Variants in FH observed in about 807,000 individuals in gnomAD.
FH encodes the protein fumarate hydratase.
Under a neutral mutation model 49.4 loss-of-function variants are expected in FH, and 22 were observed. The ratio of observed to expected loss-of-function variants is 0.45; its 90% confidence interval spans 0.32 to 0.64. The LOEUF is 0.64. Among genes scored for constraint, FH ranks in the 30% least tolerant of loss-of-function variants. The pLI, the probability that FH is intolerant of heterozygous loss-of-function variation, is 0.05. For synonymous variants in FH, 208 were observed against 223.0 expected (o/e 0.93, Z 0.60); for missense variants, 526 against 641.5 (o/e 0.82, Z 1.95).
intron 5 of FH, among the ~76,000 whole-genome samples, chr1:241,507,199 A>ATACT (rs1408498443): frequency 2.6e-5 from 4 of 152,310 alleles, no homozygotes; most frequent in Admixed American, 1.3e-4. Flanking sequence ...AGATACACAA[A>ATACT]TACTTACCAT....
chr1:241,506,952 T>C (rs764419032), intron 5 of FH, among the ~76,000 whole-genome samples: 71 of 152,326 alleles, frequency 4.7e-4, no homozygotes, highest in Non-Finnish European at 9.6e-4. Flanking sequence ...TATCCTTTTT[T>C]CCTGCCTGAA....
Position 241,513,586 on chromosome 1 carries a change from C to T in FH, c.378+17G>A, listed in dbSNP as rs1280427620. The T allele has an allele frequency of 6.4e-7, 1 of 1,573,666 alleles. No homozygotes were observed. Among genetic ancestry groups the T allele is most frequent in the Non-Finnish European group, 8.7e-7 (1 of 1,143,294 alleles). The stretch of plus-strand genomic sequence containing the variant: ...TGGGTCTGAGGTTATTAAGCAAACA[C>T]ACTTATCACCTCCTACCTCATCTGC... On this transcript the variant is annotated intron_variant, in intron 3 of 9. Coordinates refer to ENST00000366560, the MANE Select transcript of FH (RefSeq NM_000143.4).
intron 6 of FH, among the ~76,000 whole-genome samples, chr1:241,505,384 A>G (rs942182760): frequency 2.0e-5 from 3 of 152,198 alleles, no homozygotes; most frequent in Admixed American, 6.5e-5. Flanking sequence ...CCCTAAAAGT[A>G]GAGTTCTTTT....
In FH at chr1:241,512,254, T is replaced by C. The variant is rs1660107375; in HGVS notation, c.379-111A>G. ...ATATCTAAGCTTCTGAAGCATCACT[T>C]GCTCCAACCACAGATACTTTAAAAA... is the stretch of plus-strand genomic sequence containing the variant. On this transcript the variant is annotated intron_variant, in intron 3 of 9. Coordinates refer to ENST00000366560, the MANE Select transcript of FH (RefSeq NM_000143.4). The C allele has an allele frequency of 9.3e-6, 8 of 862,834 alleles. No individual in the cohort carries two copies. In the South Asian group the frequency reaches 1.0e-4, roughly 11 times the overall value. 53.4% of individuals were successfully genotyped at this position (862,834 alleles called of 1,614,324 possible).
chr1:241,514,930 C>T (rs1660177852), intron 2 of FH, among the ~76,000 whole-genome samples: 1 of 152,092 alleles, frequency 6.6e-6, no homozygotes, highest in Admixed American at 6.6e-5. Flanking sequence ...AGGTGAATGC[C>T]AATCAACGCT....
chr1:241,500,953 A>G (rs1236500750), intron 8 of FH, among the ~76,000 whole-genome samples: 21 of 152,204 alleles, frequency 1.4e-4, no homozygotes, highest in Admixed American at 1.3e-3. Flanking sequence ...TTTTATGGAG[A>G]GGACTTGGCC....
intron 9 of FH, among the ~76,000 whole-genome samples, chr1:241,500,078 C>T (rs575551552): frequency 6.6e-6 from 1 of 152,240 alleles, no homozygotes; most frequent in South Asian, 2.1e-4. Context: ...TTCAATGTTG[C>T]TAATCAGCAG....
At chr1:241,517,462 T>C (rs1660250543) in intron 1 of FH, 146 bp from the exon 2 acceptor site, 2 of 861,444 alleles carry the variant, frequency 2.3e-6, no homozygotes, top group Admixed American at 2.5e-5. Flanking sequence ...ATTCTCTTCC[T>C]CACTTTCAGG....
intron 4 of FH, among the ~76,000 whole-genome samples, chr1:241,509,212 A>G (rs1313772545): frequency 1.3e-5 from 2 of 151,802 alleles, no homozygotes; most frequent in Non-Finnish European, 2.9e-5. Flanking sequence ...AATTATATCA[A>G]ATTACATCAA....
chr1:241,513,736 T>C, intron 2 of FH, 23 bp from the exon 3 acceptor site: 1 of 1,588,926 alleles, frequency 6.3e-7, no homozygotes, highest in South Asian at 1.1e-5. Context: ...AGAAAAATAT[T>C]TCAAATTTAC....
At chr1:241,499,339 C>T (rs1368899046) in intron 9 of FH, among the ~76,000 whole-genome samples, 1 of 152,138 alleles carries the variant, frequency 6.6e-6, no homozygotes, top group African/African-American at 2.4e-5. Context: ...CTTTAGGAGA[C>T]ACCTCTAATT....
In FH at chr1:241,506,077, G is replaced by A. The variant is rs1553341160; in HGVS notation, c.830C>T (p.Thr277Ile). 6.2e-7 allele frequency: 1 copy of A among 1,613,988 alleles called. No individual in the cohort carries two copies. ...AGTATTTAAACCTGTACCAACAGCA[G>A]TGCCTCCAGCTGCGAGCTCATAGAT... ...PRIYELAAGGTAVGTGLNTRI... is the reference protein window; with the variant it reads ...PRIYELAAGGIAVGTGLNTRI... The change falls in exon 6 of 10, where the codon ACT (threonine) becomes ATT (isoleucine). Residue 277 changes from threonine to isoleucine, a missense_variant. Physicochemically the swap from Thr to Ile is moderately conservative, Grantham distance 89 (BLOSUM62 -1). Transcript: ENST00000366560.
At chr1:241,500,242 T>C (rs1659735934) in intron 9 of FH, among the ~76,000 whole-genome samples, 195 bp downstream of exon 9, 1 of 152,186 alleles carries the variant, frequency 6.6e-6, no homozygotes, top group Admixed American at 6.5e-5. Flanking sequence ...ATAATAGATC[T>C]AGTTTTGAAA....
Position 241,508,643 on chromosome 1 carries a change from C to A in FH, c.698G>T (p.Arg233Leu), listed in dbSNP as rs121913123. ...TGGAACAGCATCCTGAGTATGAGTA[C>A]GTCCAATCTTGATGATCTGTGCAAA... Reference protein sequence around the residue: ...KEFAQIIKIGRTHTQDAVPLT... With the variant: ...KEFAQIIKIGLTHTQDAVPLT... Residue 233 changes from arginine to leucine, a missense_variant, in exon 5 of 10, where the codon CGT (arginine) becomes CTT (leucine). Physicochemically the swap from Arg to Leu is moderately radical, Grantham distance 102 (BLOSUM62 -2). Coordinates refer to ENST00000366560, the MANE Select transcript of FH (RefSeq NM_000143.4). The A allele has an allele frequency of 3.1e-6, 5 of 1,613,808 alleles. No individual in the cohort carries two copies. In the South Asian group the frequency reaches 5.5e-5, roughly 18 times the overall value.
intron 9 of FH, among the ~76,000 whole-genome samples, 172 bp downstream of exon 9, chr1:241,500,265 C>T (rs1313958725): frequency 6.6e-6 from 1 of 152,008 alleles, no homozygotes; most frequent in Non-Finnish European, 1.5e-5. Flanking sequence ...ACTATGACAC[C>T]ATACAAGTTA....
In FH at chr1:241,508,730, T is replaced by A. The variant is rs1060500898; in HGVS notation, c.611A>T (p.His204Leu). ...AMHIAAAIEVHEVLLPGLQKL... is the reference protein window; with the variant it reads ...AMHIAAAIEVLEVLLPGLQKL... ...CTGTAGTCCTGGTAACAGTACTTCATGAACTTCTATTGCAGCAGCAATGTG... is the reference window on the plus strand; with the variant it reads ...CTGTAGTCCTGGTAACAGTACTTCAAGAACTTCTATTGCAGCAGCAATGTG... The change falls in exon 5 of 10, where the codon CAT (histidine) becomes CTT (leucine). Residue 204 changes from histidine (H) to leucine (L), a missense_variant. By Grantham distance (99) the His-to-Leu change is moderately conservative. Transcript: ENST00000366560. 1 of 1,613,786 alleles carries A rather than the reference T, an allele frequency of 6.2e-7. No individual in the cohort carries two copies. Among genetic ancestry groups the A allele is most frequent in the Non-Finnish European group, 8.5e-7 (1 of 1,179,800 alleles).
At chr1:241,500,719 A>G (rs1275684508) in intron 8 of FH, 129 bp from the exon 9 acceptor site, 6 of 1,284,656 alleles carry the variant, frequency 4.7e-6, no homozygotes, top group South Asian at 1.4e-5. Flanking sequence ...CAATAAACAT[A>G]TAGATCTTCT....
Position 241,519,740 on chromosome 1 carries a change from G to A in FH, c.-18C>T. Reference sequence around the variant, plus strand: ...CGGTACATGGTGCTGAGGGAGCTTGGGTAGAATTTCTGGGCGGCTGTGGCC... The same window carrying A: ...CGGTACATGGTGCTGAGGGAGCTTGAGTAGAATTTCTGGGCGGCTGTGGCC... On this transcript the variant is annotated 5_prime_UTR_variant, in exon 1 of 10. Transcript: ENST00000366560. 1 of 1,522,294 alleles carries A rather than the reference G, an allele frequency of 6.6e-7. No individual in the cohort carries two copies. Among genetic ancestry groups the A allele is most frequent in the Non-Finnish European group, 8.9e-7 (1 of 1,129,860 alleles). The allele number at this position is 1,522,294 out of a possible 1,614,324, so 94.3% of individuals were successfully genotyped here.
chr1:241,507,718 T>A (rs1659965487), intron 5 of FH, among the ~76,000 whole-genome samples: 2 of 152,310 alleles, frequency 1.3e-5, no homozygotes, highest in Non-Finnish European at 1.5e-5. Flanking sequence ...CTGTTCCTCC[T>A]TAGAAATTAT....
Sources: gnomAD v4.1 joint callset for allele counts (sites outside exome capture counted in the v4.1 genomes callset) on GRCh38, gnomAD v4.1.1 for gene constraint, MANE v1.5 for transcripts, NCBI Gene and HGNC (gene_info 2026-07-23, HGNC 2026-07-21) for gene names.